COL22A1: variants seen among roughly 807,000 people sequenced by gnomAD.
COL22A1 encodes collagen type XXII alpha 1 chain.
Under a neutral mutation model 248.9 loss-of-function variants are expected in COL22A1, and 221 were observed. The ratio of observed to expected loss-of-function variants is 0.89; its 90% confidence interval spans 0.80 to 0.99. The LOEUF is 0.99. Ranked by LOEUF, COL22A1 falls within the 50% of genes least tolerant of loss-of-function variation. The pLI is 0.00. For synonymous variants in COL22A1, 891 were observed against 793.4 expected (o/e 1.12, Z -2.07); for missense variants, 2,240 against 2,179.0 (o/e 1.03, Z -0.56).
intron 11 of COL22A1, among the ~76,000 whole-genome samples, chr8:138,799,029 T>C (rs1816784897): frequency 6.6e-6 from 1 of 152,170 alleles, no homozygotes. Context: ...TTTTTCATTA[T>C]TTTTTCTCTG....
intron 4 of COL22A1, among the ~76,000 whole-genome samples, chr8:138,834,958 T>C (rs552939461): frequency 2.0e-5 from 3 of 152,190 alleles, no homozygotes; most frequent in Admixed American, 6.5e-5. Context: ...AAATGCACAG[T>C]GCAAGTGTGC....
At position 138,746,259 on chromosome 8, in the gene COL22A1, C is replaced by T. The variant is rs73437351; in HGVS notation, c.2085+5199G>A. Reference sequence around the variant, plus strand: ...GCCCAGGTTCCAGCCTGCTGTCAGCCGTCAGCCTCGTCTCTTCCCTTGCAC... The same window carrying T: ...GCCCAGGTTCCAGCCTGCTGTCAGCTGTCAGCCTCGTCTCTTCCCTTGCAC... On this transcript the variant is annotated intron_variant, in intron 22 of 64. Coordinates refer to ENST00000303045, the MANE Select transcript of COL22A1 (RefSeq NM_152888.3). Among the ~76,000 whole-genome samples the T allele has an allele frequency of 7.6e-3, 1,152 of 152,300 alleles. 15 individuals carry two copies. Among genetic ancestry groups the T allele is most frequent in the African/African-American group, 0.026 (1,101 of 41,564 alleles).
chr8:138,860,300 CAG>C (rs533305182), intron 3 of COL22A1, among the ~76,000 whole-genome samples: 14 of 152,284 alleles, frequency 9.2e-5, no homozygotes, highest in Non-Finnish European at 1.6e-4. Flanking sequence ...CCCTCTGTGG[CAG>C]AGTCAGGACT....
At position 138,768,447 on chromosome 8, in the gene COL22A1, C is replaced by T. The variant is rs116435568; in HGVS notation, c.1804-5981G>A. Among the ~76,000 whole-genome samples, 193 of 152,322 alleles carry T rather than the reference C, an allele frequency of 1.3e-3. 1 individual carries two copies. Among genetic ancestry groups the T allele is most frequent in the African/African-American group, 4.3e-3 (180 of 41,572 alleles). ...GAGGCAGCAGAAGGCAGTGGAAGGGCGTGCACTGTGGCAGAGACATGCAGG... is the reference window on the plus strand; with the variant it reads ...GAGGCAGCAGAAGGCAGTGGAAGGGTGTGCACTGTGGCAGAGACATGCAGG... On this transcript the variant is annotated intron_variant, in intron 16 of 64. Coordinates refer to ENST00000303045, the MANE Select transcript of COL22A1 (RefSeq NM_152888.3).
intron 41 of COL22A1, among the ~76,000 whole-genome samples, chr8:138,674,004 G>A (rs1192219495): frequency 6.6e-6 from 1 of 152,124 alleles, no homozygotes. Context: ...GTACAGGTGA[G>A]TCCCAGGTAC....
intron 30 of COL22A1, among the ~76,000 whole-genome samples, chr8:138,708,298 T>C (rs901264023): frequency 3.3e-5 from 5 of 152,160 alleles, no homozygotes; most frequent in Non-Finnish European, 7.4e-5. Flanking sequence ...CTAAAGTTCA[T>C]AGGGAACCAA....
intron 23 of COL22A1, among the ~76,000 whole-genome samples, chr8:138,725,670 C>T (rs1163716453): frequency 4.6e-5 from 7 of 152,052 alleles, no homozygotes; most frequent in Non-Finnish European, 5.9e-5. Flanking sequence ...GGCATGCCAT[C>T]GCCTGTAATA....
rs564567678 is a variant in COL22A1 at position 138,668,104 on chromosome 8, A to T, written c.3151-4364T>A. Among the ~76,000 whole-genome samples, 15 of 152,334 alleles carry T rather than the reference A, an allele frequency of 9.8e-5. No homozygotes were observed. The South Asian group carries it at 3.1e-3, about 32-fold the overall frequency. On this transcript the variant is annotated intron_variant, in intron 41 of 64. Coordinates refer to ENST00000303045, the MANE Select transcript of COL22A1 (RefSeq NM_152888.3). ...AGCGTGACATGTATGAAATAATTAG[A>T]AATTTTAACACTGACTAGATATTTG...
chr8:138,680,489 G>A (rs1051155720), intron 39 of COL22A1, among the ~76,000 whole-genome samples: 1 of 152,208 alleles, frequency 6.6e-6, no homozygotes, highest in African/African-American at 2.4e-5. Context: ...CCACTCAAGA[G>A]AAGTACTGGC....
At chr8:138,720,396 A>ATTC in intron 27 of COL22A1, among the ~76,000 whole-genome samples, 1 of 151,566 alleles carries the variant, frequency 6.6e-6, no homozygotes, top group Non-Finnish European at 1.5e-5. Context: ...CGCTGATGAT[A>ATTC]TTCTTCTTCC....
At position 138,877,764 on chromosome 8, in the gene COL22A1, C is replaced by T. The variant is rs777346782; in HGVS notation, c.644G>A (p.Arg215His). The T allele has an allele frequency of 5.0e-6, 8 of 1,588,580 alleles. No homozygotes were observed. The highest frequency in any genetic ancestry group is 1.2e-5 in the South Asian group (1 of 86,884). Residue 215 changes from arginine to histidine, a missense_variant, in exon 3 of 65, where the codon CGC becomes CAC. By Grantham distance (29) the Arg-to-His change is conservative. Transcript: ENST00000303045. ...GGCGCACTCACTTTCACAAAGACGG[C>T]GCCGCAGCTTGCCCCGGATCTTGTC... ...AIDKIRGKLRRRLCENVLCPS... is the reference protein window; with the variant it reads ...AIDKIRGKLRHRLCENVLCPS...
chr8:138,773,694 C>G (rs536867209), intron 16 of COL22A1, among the ~76,000 whole-genome samples: 16 of 152,278 alleles, frequency 1.1e-4, no homozygotes, highest in East Asian at 5.8e-4. Context: ...AGGGCCTGCA[C>G]CAGGCACTCT....
intron 3 of COL22A1, among the ~76,000 whole-genome samples, chr8:138,857,905 T>G (rs1586902537): frequency 6.6e-6 from 1 of 152,106 alleles, no homozygotes; most frequent in Non-Finnish European, 1.5e-5. Context: ...CCCAAACCCA[T>G]AGAGGTCGCC....
Position 138,616,188 on chromosome 8 carries a change from AGCCCTGAGTTGAGGTCTGTGGCG to A in COL22A1, c.3871-157_3871-135del, listed in dbSNP as rs561611104. The A allele has an allele frequency of 2.3e-4, 174 of 750,400 alleles. 1 individual carries two copies. The highest frequency in any genetic ancestry group is 1.4e-3 in the South Asian group (90 of 62,234). The allele number at this position is 750,400 out of a possible 1,614,324, so 46.5% of individuals were successfully genotyped here. ...TGTCAACTTCCATACGCAGAGCCCC[AGCCCTGAGTTGAGGTCTGTGGCG>A]GCCCTGAGTTGAGGTCTGTGGCGCA... On this transcript the variant is annotated intron_variant, in intron 54 of 64. Coordinates refer to ENST00000303045, the MANE Select transcript of COL22A1 (RefSeq NM_152888.3).
At chr8:138,824,612 G>C (rs1240227900) in intron 6 of COL22A1, among the ~76,000 whole-genome samples, 1 of 152,190 alleles carries the variant, frequency 6.6e-6, no homozygotes, top group African/African-American at 2.4e-5. Context: ...CAGCTTTTAA[G>C]GGTGGTTGTA....
At chr8:138,650,318 C>G (rs1057335323) in intron 45 of COL22A1, among the ~76,000 whole-genome samples, 1 of 152,178 alleles carries the variant, frequency 6.6e-6, no homozygotes, top group Admixed American at 6.5e-5. Context: ...CCGACTCTGA[C>G]CATGCTTAGC....
At chr8:138,822,832 C>T (rs1819255592) in intron 6 of COL22A1, among the ~76,000 whole-genome samples, 1 of 152,158 alleles carries the variant, frequency 6.6e-6, no homozygotes, top group Admixed American at 6.5e-5. Flanking sequence ...GTTCTTTGGA[C>T]ATATATCCTC....
intron 22 of COL22A1, among the ~76,000 whole-genome samples, chr8:138,750,272 C>T (rs1415958083): frequency 1.3e-5 from 2 of 152,122 alleles, no homozygotes; most frequent in African/African-American, 4.8e-5. Context: ...TCTCTCTCAC[C>T]CAGTGCACCT....
chr8:138,891,897 G>A (rs527413530), intron 1 of COL22A1, among the ~76,000 whole-genome samples: 3 of 152,344 alleles, frequency 2.0e-5, no homozygotes, highest in East Asian at 3.9e-4. Context: ...CCCCTGGGAG[G>A]GAAGAGCATG....
Sources: gnomAD v4.1 joint callset for allele counts (sites outside exome capture counted in the v4.1 genomes callset) on GRCh38, gnomAD v4.1.1 for gene constraint, MANE v1.5 for transcripts, NCBI Gene and HGNC (gene_info 2026-07-23, HGNC 2026-07-21) for gene names.